IL1RAPL1: variants seen among roughly 807,000 people sequenced by gnomAD.
IL1RAPL1 encodes the protein interleukin 1 receptor accessory protein like 1.
Under a neutral mutation model 48.4 loss-of-function variants are expected in IL1RAPL1, and 3 were observed. The observed-to-expected ratio is 0.06, with a 90% CI of 0.03 to 0.16. The LOEUF (loss-of-function observed/expected upper bound fraction) is 0.16. Ranked by LOEUF, IL1RAPL1 falls within the 10% of genes least tolerant of loss-of-function variation. IL1RAPL1 has a pLI of 1.00. For synonymous variants in IL1RAPL1, 185 were observed against 187.7 expected (o/e 0.99, Z 0.12); for missense variants, 349 against 530.6 (o/e 0.66, Z 3.36).
At chrX:28,708,517 A>G (rs1253868159) in intron 1 of IL1RAPL1, among the ~76,000 whole-genome samples, 1 of 112,002 alleles carries the variant, frequency 8.9e-6, no homozygotes, top group Non-Finnish European at 1.9e-5. Flanking sequence ...CTGTACTCGC[A>G]TGTTTATTGC....
At chrX:29,731,748 C>T (rs945255256) in intron 6 of IL1RAPL1, among the ~76,000 whole-genome samples, 2 of 112,133 alleles carry the variant, frequency 1.8e-5, no homozygotes, top group Non-Finnish European at 3.8e-5. Context: ...CTGTCTTCCT[C>T]ACTTACTAAG....
chrX:29,756,856 G>A (rs752940934), intron 6 of IL1RAPL1, among the ~76,000 whole-genome samples: 64 of 112,223 alleles, frequency 5.7e-4, no homozygotes, highest in African/African-American at 2.1e-3. Context: ...TGCTGGTGTA[G>A]GGTGGGCCCT....
chrX:29,271,413 G>T (rs1424653223), intron 2 of IL1RAPL1, among the ~76,000 whole-genome samples: 4 of 112,114 alleles, frequency 3.6e-5, no homozygotes, highest in Non-Finnish European at 5.6e-5. Flanking sequence ...TGATAGTTCT[G>T]CTTTAAATTC....
At chrX:29,350,904 G>A (rs769293115) in intron 3 of IL1RAPL1, among the ~76,000 whole-genome samples, 3 of 111,642 alleles carry the variant, frequency 2.7e-5, no homozygotes, top group East Asian at 5.7e-4. Flanking sequence ...TAGCCTATGA[G>A]AAAATTGGTT....
chrX:29,190,853 A>G (rs1180962727), intron 2 of IL1RAPL1, among the ~76,000 whole-genome samples: 1 of 112,356 alleles, frequency 8.9e-6, no homozygotes, highest in Admixed American at 9.5e-5. Flanking sequence ...ATAAAATAAC[A>G]TTAATTTTAA....
chrX:29,906,353 C>CAACA lies in IL1RAPL1; in HGVS notation c.779-11109_779-11108insCAAA, dbSNP rs1372708690. Reference sequence around the variant, plus strand: ...CTGTCTCAAAAAAACAAACAAACAACAAAAAAAAAAACATAAAAAAGCAGG... The same window carrying CAACA: ...CTGTCTCAAAAAAACAAACAAACAACAACAAAAAAAAAAAACATAAAAAAGCAGG... On this transcript the variant is annotated intron_variant, in intron 6 of 10. Coordinates refer to ENST00000378993, the MANE Select transcript of IL1RAPL1 (RefSeq NM_014271.4). 9.9e-3 allele frequency among the ~76,000 whole-genome samples: 614 copies of CAACA among 62,166 alleles called. 9 individuals are homozygous for CAACA. Among genetic ancestry groups the CAACA allele is most frequent in the African/African-American group, 0.042 (576 of 13,849 alleles). The allele number at this position is 62,166 out of a possible 115,157, so 54.0% of individuals were successfully genotyped here.
At chrX:29,059,427 C>A (rs1047943059) in intron 2 of IL1RAPL1, among the ~76,000 whole-genome samples, 1 of 111,871 alleles carries the variant, frequency 8.9e-6, no homozygotes, top group Non-Finnish European at 1.9e-5. Context: ...ATCATTTCTA[C>A]AAATGGCAAC....
intron 1 of IL1RAPL1, among the ~76,000 whole-genome samples, chrX:28,636,936 G>A (rs1489872123): frequency 4.5e-5 from 5 of 111,353 alleles, no homozygotes; most frequent in African/African-American, 1.6e-4. Context: ...AATGGGACAA[G>A]ATATGTTGGT....
At chrX:29,838,444 A>G (rs930975868) in intron 6 of IL1RAPL1, among the ~76,000 whole-genome samples, 2 of 111,965 alleles carry the variant, frequency 1.8e-5, no homozygotes, top group Admixed American at 1.9e-4. Flanking sequence ...GAAAATATTT[A>G]TGTGTGTAAA....
intron 2 of IL1RAPL1, among the ~76,000 whole-genome samples, chrX:29,010,138 G>C (rs1367137902): frequency 1.8e-5 from 2 of 112,114 alleles, no homozygotes; most frequent in African/African-American, 6.5e-5. Context: ...TCATTTATCA[G>C]TTTCAGGGGC....
At chrX:29,021,861 T>G (rs66843465) in intron 2 of IL1RAPL1, among the ~76,000 whole-genome samples, 6,078 of 111,646 alleles carry the variant, frequency 0.054, 186 homozygotes, top group African/African-American at 0.1. Flanking sequence ...TGTCTGCAAC[T>G]GTTATTTTCT....
intron 1 of IL1RAPL1, among the ~76,000 whole-genome samples, chrX:28,622,649 C>T (rs184546312): frequency 9.0e-6 from 1 of 111,695 alleles, no homozygotes; most frequent in African/African-American, 3.2e-5. Context: ...TTTCAGTTAA[C>T]ATTACTTGGG....
At chrX:29,352,572 G>A (rs1933245502) in intron 3 of IL1RAPL1, among the ~76,000 whole-genome samples, 2 of 110,155 alleles carry the variant, frequency 1.8e-5, no homozygotes, top group African/African-American at 6.6e-5. Flanking sequence ...GCTTTACTGG[G>A]TAGAGGTTCT....
chrX:29,274,971 T>G (rs1932097385), intron 2 of IL1RAPL1, among the ~76,000 whole-genome samples: 1 of 111,270 alleles, frequency 9.0e-6, no homozygotes, highest in African/African-American at 3.3e-5. Context: ...ACTTCTTTTT[T>G]TTTTTTGTAA....
chrX:29,922,437 C>T (rs1262386642), intron 8 of IL1RAPL1, among the ~76,000 whole-genome samples: 1 of 111,718 alleles, frequency 9.0e-6, no homozygotes, highest in African/African-American at 3.3e-5. Context: ...AAAAAAGGTC[C>T]TTCCAAGACA....
At chrX:28,609,265 C>A (rs1334244936) in intron 1 of IL1RAPL1, among the ~76,000 whole-genome samples, 1 of 111,011 alleles carries the variant, frequency 9.0e-6, no homozygotes, top group Non-Finnish European at 1.9e-5. Flanking sequence ...CTTTGAGAGG[C>A]GTATTTGATT....
chrX:29,431,422 G>T (rs779906452), intron 5 of IL1RAPL1, among the ~76,000 whole-genome samples: 2 of 111,927 alleles, frequency 1.8e-5, no homozygotes, highest in Non-Finnish European at 3.8e-5. Context: ...TTGTTTAGTA[G>T]ATTTCTTGTG....
intron 2 of IL1RAPL1, among the ~76,000 whole-genome samples, chrX:29,224,207 C>T (rs1356375542): frequency 9.0e-6 from 1 of 110,798 alleles, no homozygotes; most frequent in Non-Finnish European, 1.9e-5. Context: ...ATTTTGAGAA[C>T]ACCTTTAGCA....
intron 2 of IL1RAPL1, among the ~76,000 whole-genome samples, chrX:28,884,180 AAAAT>A (rs983765701): frequency 8.0e-5 from 9 of 111,939 alleles, no homozygotes; most frequent in Admixed American, 1.9e-4. Context: ...TATAATTTAA[AAAAT>A]AAATAAATAA....
Sources: gnomAD v4.1 joint callset for allele counts (sites outside exome capture counted in the v4.1 genomes callset) on GRCh38, gnomAD v4.1.1 for gene constraint, MANE v1.5 for transcripts, NCBI Gene and HGNC (gene_info 2026-07-23, HGNC 2026-07-21) for gene names.